ZNF721: variants seen among roughly 807,000 people sequenced by gnomAD.
ZNF721 encodes the protein zinc finger protein 721.
ZNF721 carries 2 observed loss-of-function variants against 2.4 expected under a neutral mutation model. The ratio of observed to expected loss-of-function variants is 0.82; its 90% CI spans 0.34 to 2.58. The LOEUF is 2.58. Among genes scored for constraint, ZNF721 ranks in the 30% most tolerant of loss-of-function variants. The probability of loss-of-function intolerance (pLI) is 0.11; values close to 1 mark genes in which losing one functional copy is unlikely to be tolerated. For synonymous variants in ZNF721, 398 were observed against 381.8 expected (o/e 1.04, Z -0.50); for missense variants, 1,187 against 1,085.5 (o/e 1.09, Z -1.31).
At chr4:444,693 A>C (rs1247808026) in intron 2 of ZNF721, among the ~76,000 whole-genome samples, 1 of 152,204 alleles carries the variant, frequency 6.6e-6, no homozygotes, top group Non-Finnish European at 1.5e-5. Flanking sequence ...ATGTTTGTTC[A>C]ATTTACCCAC....
chr4:474,530 T>C (rs1455984522), intron 1 of ZNF721, among the ~76,000 whole-genome samples: 1 of 152,144 alleles, frequency 6.6e-6, no homozygotes, highest in Admixed American at 6.5e-5. Context: ...TTCTGGCCTG[T>C]GGTGTTTTGA....
Position 441,940 on chromosome 4 carries a change from C to T in ZNF721, c.2527G>A (p.Gly843Ser). ...GEKPYTCEEC[G>S]KAFRQSAILY... ...ATTGCTGACTGTCTAAAGGCTTTGC[C>T]ACATTCTTCACATGTGTAGGGTTTC... The change falls in exon 3 of 3, where the codon GGC becomes AGC. Residue 843 changes from glycine to serine, a missense_variant. Coordinates refer to ENST00000511833, the MANE Select transcript of ZNF721 (RefSeq NM_133474.4). 1 of 1,613,930 alleles carries T rather than the reference C, an allele frequency of 6.2e-7. No homozygotes were observed. The highest frequency in any genetic ancestry group is 1.3e-5 in the African/African-American group (1 of 75,040).
chr4:454,403 T>C (rs782741227), intron 2 of ZNF721, among the ~76,000 whole-genome samples: 12 of 152,244 alleles, frequency 7.9e-5, no homozygotes, highest in Non-Finnish European at 1.3e-4. Flanking sequence ...CTTATGTTGT[T>C]GTCAGAGGAA....
chr4:488,757 T>G (rs536369045), intron 1 of ZNF721, among the ~76,000 whole-genome samples: 4 of 151,858 alleles, frequency 2.6e-5, no homozygotes, highest in African/African-American at 9.7e-5. Context: ...TTGAACACAG[T>G]AGGTGGATGT....
At chr4:498,839 C>T (rs1716482011) in intron 1 of ZNF721, among the ~76,000 whole-genome samples, 1 of 151,836 alleles carries the variant, frequency 6.6e-6, no homozygotes, top group Non-Finnish European at 1.5e-5. Flanking sequence ...ATTCTCCTGC[C>T]TCGGCCTCCC....
chr4:482,425 A>G (rs1233094838), intron 1 of ZNF721, among the ~76,000 whole-genome samples: 1 of 152,168 alleles, frequency 6.6e-6, no homozygotes, highest in Non-Finnish European at 1.5e-5. Flanking sequence ...TCGGCCTCCC[A>G]AAGTGCTGGG....
chr4:442,096 T>A lies in ZNF721; in HGVS notation c.2371A>T (p.Thr791Ser), dbSNP rs1280609722. Residue 791 changes from threonine to serine, a missense_variant, in exon 3 of 3, where the codon ACG becomes TCG. By Grantham distance (58) the Thr-to-Ser change is moderately conservative (BLOSUM62 1). Transcript: ENST00000511833. The part of the protein sequence containing the change: ...YKCKECGKVI[T>S]SSSSFAKHKR... ...TGTTTAGCAAAGCTTGAGGATGACG[T>A]AATGACTTTGCCACATTCCTTACAT... 31 of 1,613,772 alleles carry A rather than the reference T, an allele frequency of 1.9e-5. No homozygotes were observed. Among genetic ancestry groups the A allele is most frequent in the African/African-American group, 5.3e-5 (4 of 74,950 alleles).
intron 1 of ZNF721, among the ~76,000 whole-genome samples, chr4:492,031 C>T (rs186270421): frequency 3.7e-4 from 56 of 151,382 alleles, no homozygotes; most frequent in Non-Finnish European, 3.5e-4. Flanking sequence ...GCGTGGCCGG[C>T]GGGCGCCTGT....
At chr4:497,764 G>A (rs1271168117) in intron 1 of ZNF721, among the ~76,000 whole-genome samples, 2 of 151,834 alleles carry the variant, frequency 1.3e-5, no homozygotes, top group Non-Finnish European at 1.5e-5. Context: ...CGGGCGTGGC[G>A]GCGGGCGCCT....
chr4:491,840 C>T (rs1253414028), intron 1 of ZNF721, among the ~76,000 whole-genome samples: 4 of 151,844 alleles, frequency 2.6e-5, no homozygotes, highest in Admixed American at 6.6e-5. Context: ...GAAAGATAAA[C>T]GGATGTAATA....
chr4:467,303 CTT>C (rs1414530548), intron 2 of ZNF721, among the ~76,000 whole-genome samples: 1 of 152,104 alleles, frequency 6.6e-6, no homozygotes, highest in Admixed American at 6.5e-5. Context: ...ATGAAAATAT[CTT>C]GTCGGATCAT....
In ZNF721 at chr4:442,464, C is replaced by T. The variant is rs782366941; in HGVS notation, c.2003G>A (p.Ser668Asn). 21 of 1,609,040 alleles carry T rather than the reference C, an allele frequency of 1.3e-5. No individual in the cohort carries two copies. The highest frequency in any genetic ancestry group is 1.6e-5 in the Non-Finnish European group (19 of 1,178,558). The change falls in exon 3 of 3, where the codon AGT becomes AAT. Residue 668 changes from serine to asparagine, a missense_variant. Transcript: ENST00000511833. Reference sequence around the variant, plus strand: ...TTTGCCACACTCTTCACATTTGTAACTTTGCTCTCCAGTAAGAATTTTCGT... The same window carrying T: ...TTTGCCACACTCTTCACATTTGTAATTTTGCTCTCCAGTAAGAATTTTCGT... ...QHTKILTGEQ[S>N]YKCEECGKAF...
chr4:480,827 G>GT (rs1553869354), intron 1 of ZNF721, among the ~76,000 whole-genome samples: 3 of 144,798 alleles, frequency 2.1e-5, no homozygotes, highest in Non-Finnish European at 4.6e-5. Context: ...CTTTTGTGGG[G>GT]GGGGGGGGAA....
At chr4:497,003 C>G (rs1402974498) in intron 1 of ZNF721, among the ~76,000 whole-genome samples, 6 of 152,030 alleles carry the variant, frequency 3.9e-5, no homozygotes, top group Non-Finnish European at 4.4e-5. Flanking sequence ...TGAGCCACCG[C>G]GCCCAGCCTA....
intron 2 of ZNF721, among the ~76,000 whole-genome samples, chr4:459,068 G>A (rs188267413): frequency 8.1e-4 from 123 of 152,196 alleles, no homozygotes; most frequent in Middle Eastern, 6.8e-3. Context: ...CTTCATAAGC[G>A]AAGGAAAAAT....
At position 441,634 on chromosome 4, in the gene ZNF721, G is replaced by C. The variant is rs1714238818; in HGVS notation, c.*61C>G. ...CGTCACCTTCGTAAGACATTCCCCT[G>C]GTATGAGTTCTCTTATGTTTAAGAA... On this transcript the variant is annotated 3_prime_UTR_variant, in exon 3 of 3. Coordinates refer to ENST00000511833, the MANE Select transcript of ZNF721 (RefSeq NM_133474.4). 7.3e-7 allele frequency: 1 copy of C among 1,375,780 alleles called. No homozygotes were observed. The highest frequency in any genetic ancestry group is 1.5e-5 in the African/African-American group (1 of 68,756). 85.2% of individuals were successfully genotyped at this position (1,375,780 alleles called of 1,614,324 possible).
At chr4:447,535 G>A (rs1205370701) in intron 2 of ZNF721, among the ~76,000 whole-genome samples, 3 of 152,020 alleles carry the variant, frequency 2.0e-5, no homozygotes, top group African/African-American at 4.8e-5. Flanking sequence ...TCAATAAAAC[G>A]TGTAAGTCTA....
intron 2 of ZNF721, among the ~76,000 whole-genome samples, chr4:452,458 C>G (rs1381014112): frequency 3.3e-5 from 5 of 152,158 alleles, no homozygotes; most frequent in Non-Finnish European, 5.9e-5. Context: ...TCATATGCCC[C>G]ACATGGGTAA....
At chr4:471,152 G>A (rs558544849) in intron 2 of ZNF721, among the ~76,000 whole-genome samples, 9 of 152,060 alleles carry the variant, frequency 5.9e-5, no homozygotes, top group South Asian at 4.1e-4. Flanking sequence ...GGTATATGCT[G>A]TATGCTGTTA....
Sources: gnomAD v4.1 joint callset for allele counts (sites outside exome capture counted in the v4.1 genomes callset) on GRCh38, gnomAD v4.1.1 for gene constraint, MANE v1.5 for transcripts, NCBI Gene and HGNC (gene_info 2026-07-23, HGNC 2026-07-21) for gene names.